Variants in DNER observed in about 807,000 individuals in gnomAD.
The protein encoded by DNER is delta/notch like EGF repeat containing.
DNER carries 33 observed loss-of-function variants against 78.2 expected under a neutral mutation model. The observed-to-expected ratio is 0.42, with a 90% CI of 0.32 to 0.56. DNER has a LOEUF of 0.56. Among genes scored for constraint, DNER ranks in the 20% least tolerant of loss-of-function variants. The pLI is 0.11. For synonymous variants in DNER, 417 were observed against 384.8 expected, an observed-to-expected ratio of 1.08 and a Z score of -0.98; for missense variants, 918 against 975.3, an observed-to-expected ratio of 0.94 and a Z score of 0.78.
At chr2:229,596,084 G>A (rs1053812078) in intron 1 of DNER, among the ~76,000 whole-genome samples, 1 of 151,740 alleles carries the variant, frequency 6.6e-6, no homozygotes, top group Non-Finnish European at 1.5e-5. Flanking sequence ...GGCTTTTTGA[G>A]GTCCAATTTC....
chr2:229,643,879 T>A (rs1302510051), intron 1 of DNER, among the ~76,000 whole-genome samples: 1 of 152,148 alleles, frequency 6.6e-6, no homozygotes, highest in Non-Finnish European at 1.5e-5. Context: ...TTTCTCAGAG[T>A]CAATTATCTT....
chr2:229,480,662 G>C (rs1695138311), intron 6 of DNER, among the ~76,000 whole-genome samples: 1 of 152,148 alleles, frequency 6.6e-6, no homozygotes, highest in Non-Finnish European at 1.5e-5. Context: ...GACCTCACTG[G>C]CATTTTGTGG....
chr2:229,631,999 A>G (rs1367066645), intron 1 of DNER, among the ~76,000 whole-genome samples: 1 of 152,196 alleles, frequency 6.6e-6, no homozygotes, highest in African/African-American at 2.4e-5. Flanking sequence ...TCCTGCCAGT[A>G]TTTTTCCTAA....
At chr2:229,618,807 T>C (rs1436972070) in intron 1 of DNER, among the ~76,000 whole-genome samples, 1 of 152,206 alleles carries the variant, frequency 6.6e-6, no homozygotes, top group Non-Finnish European at 1.5e-5. Flanking sequence ...CTCGCTTTTA[T>C]TTTAATGTCT....
intron 1 of DNER, among the ~76,000 whole-genome samples, chr2:229,648,538 T>C (rs1311871092): frequency 6.6e-6 from 1 of 152,250 alleles, no homozygotes; most frequent in East Asian, 1.9e-4. Flanking sequence ...GAATTGAAGC[T>C]GTCTAAAGTC....
chr2:229,657,422 T>C (rs1698931284), intron 1 of DNER, among the ~76,000 whole-genome samples: 1 of 152,178 alleles, frequency 6.6e-6, no homozygotes, highest in South Asian at 2.1e-4. Context: ...ATACCTTGTC[T>C]ACTGTAAATA....
chr2:229,369,577 G>T (rs1692434325), intron 11 of DNER, among the ~76,000 whole-genome samples: 1 of 152,124 alleles, frequency 6.6e-6, no homozygotes, highest in Non-Finnish European at 1.5e-5. Context: ...TGGTGGTGGA[G>T]GAGGGAAGGA....
chr2:229,489,181 A>G lies in DNER; in HGVS notation c.1148-11928T>C, dbSNP rs114291796. The stretch of plus-strand genomic sequence containing the variant: ...CGTAAGTATCACATCGGCAGCTGTG[A>G]GTAAGGCAGCATGGCCTGCGGGGAG... On this transcript the variant is annotated intron_variant, in intron 6 of 12. Transcript: ENST00000341772. Among the ~76,000 whole-genome samples, 691 of 152,322 alleles carry G rather than the reference A, an allele frequency of 4.5e-3. 6 individuals are homozygous for G. Among genetic ancestry groups the G allele is most frequent in the African/African-American group, 0.015 (641 of 41,562 alleles).
At chr2:229,440,175 TC>T (rs1459432608) in intron 8 of DNER, among the ~76,000 whole-genome samples, 1 of 152,184 alleles carries the variant, frequency 6.6e-6, no homozygotes, top group African/African-American at 2.4e-5. Flanking sequence ...GTGTCCTTCC[TC>T]CCCTTGTATT....
chr2:229,500,174 C>A (rs1015361130), intron 6 of DNER, among the ~76,000 whole-genome samples: 3 of 152,188 alleles, frequency 2.0e-5, no homozygotes, highest in African/African-American at 7.2e-5. Flanking sequence ...ACTTCATGAT[C>A]TGCCCTCCTC....
At chr2:229,386,516 T>A (rs1437676730) in intron 11 of DNER, among the ~76,000 whole-genome samples, 3 of 151,846 alleles carry the variant, frequency 2.0e-5, no homozygotes, top group South Asian at 4.1e-4. Flanking sequence ...AAAGAAACTA[T>A]CATCATAGTG....
chr2:229,683,306 T>C (rs1386416113), intron 1 of DNER, among the ~76,000 whole-genome samples: 1 of 152,220 alleles, frequency 6.6e-6, no homozygotes, highest in African/African-American at 2.4e-5. Flanking sequence ...CAAGTCGTTC[T>C]GAAGTCTGAA....
intron 4 of DNER, among the ~76,000 whole-genome samples, chr2:229,556,721 G>T (rs1319081000): frequency 6.6e-6 from 1 of 152,104 alleles, no homozygotes; most frequent in Non-Finnish European, 1.5e-5. Flanking sequence ...AGCTTTATTT[G>T]CTTATTAAGA....
chr2:229,413,967 C>T (rs1217296673), intron 9 of DNER, among the ~76,000 whole-genome samples: 2 of 151,968 alleles, frequency 1.3e-5, no homozygotes, highest in East Asian at 3.9e-4. Flanking sequence ...TGTATACAGA[C>T]ATACGATATG....
At chr2:229,520,865 C>G (rs1696081115) in intron 5 of DNER, among the ~76,000 whole-genome samples, 1 of 152,186 alleles carries the variant, frequency 6.6e-6, no homozygotes, top group African/African-American at 2.4e-5. Flanking sequence ...AAGGAACTAA[C>G]ATGTTTTCTC....
At chr2:229,582,798 C>T (rs150375003) in intron 4 of DNER, among the ~76,000 whole-genome samples, 255 of 152,178 alleles carry the variant, frequency 1.7e-3, no homozygotes, top group African/African-American at 5.9e-3. Context: ...CATCACCACG[C>T]CCGGCTAATT....
chr2:229,665,389 T>A (rs1699071705), intron 1 of DNER, among the ~76,000 whole-genome samples: 1 of 152,146 alleles, frequency 6.6e-6, no homozygotes, highest in Non-Finnish European at 1.5e-5. Context: ...CAGCCTGAGC[T>A]GGCCAACACT....
At chr2:229,631,508 T>C (rs1698433644) in intron 1 of DNER, among the ~76,000 whole-genome samples, 1 of 151,984 alleles carries the variant, frequency 6.6e-6, no homozygotes, top group African/African-American at 2.4e-5. Flanking sequence ...TCTTGGGGAG[T>C]AGAATTAGAT....
In DNER at chr2:229,696,873, A is replaced by G. The variant is rs564472895; in HGVS notation, c.276+17275T>C. 7.2e-5 allele frequency among the ~76,000 whole-genome samples: 11 copies of G among 152,312 alleles called. No homozygotes were observed. The South Asian group carries it at 1.5e-3, about 20-fold the overall frequency. On this transcript the variant is annotated intron_variant, in intron 1 of 12. Transcript: ENST00000341772. ...ATGCAAGGAGAGGCTGCAAGTAACC[A>G]TCCAGGGGGGATCCTGGGGCTCAGG...
Sources: allele counts gnomAD v4.1 joint callset (sites outside exome capture counted in the v4.1 genomes callset), GRCh38; gene constraint gnomAD v4.1.1; transcripts MANE v1.5; gene names NCBI Gene and HGNC (gene_info 2026-07-23, HGNC 2026-07-21).